The following ABTB2 variants were observed in gnomAD, a reference collection of about 807,000 sequenced individuals.
ABTB2 encodes the protein ankyrin repeat and BTB/POZ domain-containing protein 2.
A neutral mutation model predicts 104.1 loss-of-function variants in ABTB2; 56 were observed. The ratio of observed to expected loss-of-function variants is 0.54; its 90% CI spans 0.43 to 0.67. The LOEUF (loss-of-function observed/expected upper bound fraction) is 0.67, where lower values mean the gene tolerates loss of function less well. Ranked by LOEUF, ABTB2 falls within the 30% of genes least tolerant of loss-of-function variation. ABTB2 has a pLI of 0.00. For synonymous variants in ABTB2, 606 were observed against 608.2 expected (o/e 1.00, Z 0.05); for missense variants, 1,279 against 1,407.7 (o/e 0.91, Z 1.46).
At chr11:34,160,524 C>T (rs1852696740) in intron 11 of ABTB2, among the ~76,000 whole-genome samples, 171 bp from the exon 12 acceptor site, 1 of 151,990 alleles carries the variant, frequency 6.6e-6, no homozygotes, top group Non-Finnish European at 1.5e-5. Context: ...ATCAGTGATT[C>T]CCGAAATGGC....
intron 3 of ABTB2, among the ~76,000 whole-genome samples, chr11:34,186,653 T>A (rs967457): frequency 6.6e-6 from 1 of 151,954 alleles, no homozygotes; most frequent in Non-Finnish European, 1.5e-5. Flanking sequence ...GGACAGGAAG[T>A]CCCATGCAAC....
At chr11:34,230,990 C>T (rs1370891133) in intron 1 of ABTB2, among the ~76,000 whole-genome samples, 1 of 152,160 alleles carries the variant, frequency 6.6e-6, no homozygotes, top group Non-Finnish European at 1.5e-5. Flanking sequence ...GGGTTACAGG[C>T]ATGAGCCACC....
chr11:34,224,514 C>G (rs77193378), intron 1 of ABTB2, among the ~76,000 whole-genome samples: 2,605 of 152,222 alleles, frequency 0.017, 79 homozygotes, highest in African/African-American at 0.058. Context: ...TTCTTTCTAT[C>G]AAGTGACTGG....
chr11:34,293,468 A>G (rs1362786387), intron 1 of ABTB2, among the ~76,000 whole-genome samples: 1 of 152,176 alleles, frequency 6.6e-6, no homozygotes, highest in Admixed American at 6.5e-5. Context: ...GGGCCTAGAG[A>G]GCTCTCTCAA....
intron 1 of ABTB2, among the ~76,000 whole-genome samples, chr11:34,236,317 C>A (rs1853842683): frequency 6.6e-6 from 1 of 152,100 alleles, no homozygotes; most frequent in African/African-American, 2.4e-5. Flanking sequence ...TTCCTTTGCT[C>A]TTGTTGTAGA....
chr11:34,168,795 G>A (rs1852834998), intron 5 of ABTB2, among the ~76,000 whole-genome samples: 1 of 152,258 alleles, frequency 6.6e-6, no homozygotes. Context: ...GTCTCCCTGG[G>A]TTAGGTGGGC....
At chr11:34,316,666 C>A (rs761833539) in intron 1 of ABTB2, among the ~76,000 whole-genome samples, 1 of 152,286 alleles carries the variant, frequency 6.6e-6, no homozygotes, top group South Asian at 2.1e-4. Context: ...TTAAGATAAT[C>A]CATGAGCCCC....
chr11:34,333,678 C>A (rs541540978), intron 1 of ABTB2, among the ~76,000 whole-genome samples: 25 of 152,280 alleles, frequency 1.6e-4, no homozygotes, highest in Non-Finnish European at 8.8e-5. Flanking sequence ...ATTGCTTGAA[C>A]CCGGGAGGCA....
intron 1 of ABTB2, among the ~76,000 whole-genome samples, chr11:34,272,706 C>CAAA (rs35638814): frequency 0.01 from 411 of 40,988 alleles, 19 homozygotes; most frequent in African/African-American, 0.02. Flanking sequence ...GACTCCGTCT[C>CAAA]AAAAAAAAAA....
At chr11:34,304,538 A>G (rs190894448) in intron 1 of ABTB2, among the ~76,000 whole-genome samples, 129 of 152,328 alleles carry the variant, frequency 8.5e-4, no homozygotes, top group East Asian at 5.4e-3. Flanking sequence ...ACAGACACAG[A>G]GGCTAGGCAT....
chr11:34,306,884 T>TAGAGTTCAGCACTCTGATGAGTTC (rs1267726990), intron 1 of ABTB2, among the ~76,000 whole-genome samples: 1 of 148,776 alleles, frequency 6.7e-6, no homozygotes. Context: ...GTTCAGCACA[T>TAGAGTTCAGCACTCTGATGAGTTC]AGCAGGTACT....
chr11:34,213,971 C>T (rs139178758), intron 1 of ABTB2, among the ~76,000 whole-genome samples: 1 of 152,160 alleles, frequency 6.6e-6, no homozygotes, highest in African/African-American at 2.4e-5. Context: ...AACTTAGTGA[C>T]CCAGGGAGCA....
At chr11:34,353,233 C>T (rs913706505) in intron 1 of ABTB2, among the ~76,000 whole-genome samples, 1 of 152,138 alleles carries the variant, frequency 6.6e-6, no homozygotes, top group African/African-American at 2.4e-5. Context: ...ATCACTTAAT[C>T]AAGAATCTAG....
rs548434058 is a variant in ABTB2 at position 34,181,393 on chromosome 11, G to C, written c.1245-8086C>G. 2.6e-5 allele frequency among the ~76,000 whole-genome samples: 4 copies of C among 152,282 alleles called. No homozygotes were observed. The East Asian group carries it at 7.7e-4, about 29-fold the overall frequency. ...CTCAAAGCAGGCTCTGTTCTTCCCC[G>C]GGGTAGGCAGGGACCCCAGAGTGAG... On this transcript the variant is annotated intron_variant, in intron 3 of 16. Transcript: ENST00000435224.
intron 1 of ABTB2, among the ~76,000 whole-genome samples, chr11:34,278,658 T>C (rs888585254): frequency 6.6e-6 from 1 of 152,188 alleles, no homozygotes; most frequent in African/African-American, 2.4e-5. Context: ...GACAGAATCA[T>C]GCCTAACTTC....
chr11:34,225,129 G>A (rs114316079), intron 1 of ABTB2, among the ~76,000 whole-genome samples: 1,640 of 152,308 alleles, frequency 0.011, 30 homozygotes, highest in African/African-American at 0.038. Flanking sequence ...CAAGTTAAAG[G>A]AAAAGCAATG....
At chr11:34,194,978 A>G (rs1378511244) in intron 3 of ABTB2, among the ~76,000 whole-genome samples, 1 of 151,478 alleles carries the variant, frequency 6.6e-6, no homozygotes, top group East Asian at 1.9e-4. Context: ...GGGCTGTGCA[A>G]CTCAGATCAT....
At chr11:34,293,395 T>C (rs1854585072) in intron 1 of ABTB2, among the ~76,000 whole-genome samples, 1 of 152,010 alleles carries the variant, frequency 6.6e-6, no homozygotes, top group African/African-American at 2.4e-5. Flanking sequence ...CAGAGCCAGA[T>C]GGGGTCACCT....
intron 1 of ABTB2, among the ~76,000 whole-genome samples, chr11:34,340,238 C>A (rs2745916): frequency 5.5e-4 from 83 of 152,156 alleles, no homozygotes; most frequent in African/African-American, 1.9e-3. Flanking sequence ...GGAGAAAATG[C>A]GAACAATACG....
Sources: gnomAD v4.1 joint callset for allele counts (sites outside exome capture counted in the v4.1 genomes callset) on GRCh38, gnomAD v4.1.1 for gene constraint, MANE v1.5 for transcripts, NCBI Gene and HGNC (gene_info 2026-07-23, HGNC 2026-07-21) for gene names.